Variants in IQGAP3 observed in about 807,000 individuals in gnomAD.
IQGAP3 encodes ras GTPase-activating-like protein IQGAP3.
IQGAP3 carries 165 observed loss-of-function variants against 208.2 expected under a neutral mutation model. The ratio of observed to expected loss-of-function variants is 0.79; its 90% CI spans 0.70 to 0.90. The LOEUF (loss-of-function observed/expected upper bound fraction) is 0.90. IQGAP3 is among the 40% of genes least tolerant of loss of function. The probability of loss-of-function intolerance (pLI) is 0.00; values close to 1 mark genes in which losing one functional copy is unlikely to be tolerated. For synonymous variants in IQGAP3, 703 were observed against 803.6 expected, an observed-to-expected ratio of 0.87 and a Z score of 2.12; for missense variants, 1,811 against 2,043.1, an observed-to-expected ratio of 0.89 and a Z score of 2.19.
intron 4 of IQGAP3, 51 bp downstream of exon 4, chr1:156,565,975 AG>A: frequency 7.6e-7 from 1 of 1,315,464 alleles, no homozygotes; most frequent in Non-Finnish European, 1.1e-6. Flanking sequence ...GGATTGTGGG[AG>A]GTGGCTGGTA....
chr1:156,539,369 C>T lies in IQGAP3; in HGVS notation c.3056+5G>A, dbSNP rs775982665. The stretch of plus-strand genomic sequence containing the variant: ...TCCCCATTCCTTTGTGTCTGGAGAG[C>T]CTACTTGATTTCCTCCTGGAGTGCT... On this transcript the variant is annotated splice_donor_5th_base_variant and intron_variant, in intron 25 of 37. Coordinates refer to ENST00000361170, the MANE Select transcript of IQGAP3 (RefSeq NM_178229.5). The T allele has an allele frequency of 1.2e-6, 2 of 1,613,170 alleles. No individual in the cohort carries two copies. Among genetic ancestry groups the T allele is most frequent in the Admixed American group, 1.7e-5 (1 of 59,980 alleles).
chr1:156,525,942 A>G lies in IQGAP3; in HGVS notation c.*544T>C, dbSNP rs895225396. The G allele has an allele frequency of 1.9e-5, 3 of 156,102 alleles. No homozygotes were observed. Among genetic ancestry groups the G allele is most frequent in the African/African-American group, 7.2e-5 (3 of 41,526 alleles). 9.7% of individuals were successfully genotyped at this position (156,102 alleles called of 1,614,324 possible). On this transcript the variant is annotated 3_prime_UTR_variant, in exon 38 of 38. Coordinates refer to ENST00000361170, the MANE Select transcript of IQGAP3 (RefSeq NM_178229.5). ...AACAGTGCCACAATGCCACATGGGCACTAACACACACTGCATCCCCCCAGT... is the reference window on the plus strand; with the variant it reads ...AACAGTGCCACAATGCCACATGGGCGCTAACACACACTGCATCCCCCCAGT...
intron 9 of IQGAP3, 67 bp from the exon 10 acceptor site, chr1:156,562,068 C>T (rs1676179740): frequency 2.8e-6 from 4 of 1,418,108 alleles, no homozygotes; most frequent in Non-Finnish European, 2.9e-6. Context: ...CTAGTCCAGC[C>T]CTAGGAATCT....
chr1:156,531,555 T>G (rs1674404830), intron 32 of IQGAP3, among the ~76,000 whole-genome samples: 2 of 151,468 alleles, frequency 1.3e-5, no homozygotes, highest in South Asian at 4.2e-4. Flanking sequence ...AGCCCGATCC[T>G]GCTCTCAGCC....
At chr1:156,538,743 TC>T in intron 26 of IQGAP3, 65 bp downstream of exon 26, 1 of 1,400,338 alleles carries the variant, frequency 7.1e-7, no homozygotes, top group Non-Finnish European at 1.0e-6. Flanking sequence ...CCCAGTAGGG[TC>T]CAAGACACAG....
In IQGAP3 at chr1:156,561,583, G is replaced by A. The variant is rs553806479; in HGVS notation, c.1041+255C>T. 2.0e-5 allele frequency among the ~76,000 whole-genome samples: 3 copies of A among 152,346 alleles called. No individual in the cohort carries two copies. The East Asian group carries it at 5.8e-4, about 29-fold the overall frequency. Reference sequence around the variant, plus strand: ...TTAAAAACAAGATTGCTAAGTGGAGGCACCAGTTCAACAATGGGGGAGCAC... The same window carrying A: ...TTAAAAACAAGATTGCTAAGTGGAGACACCAGTTCAACAATGGGGGAGCAC... On this transcript the variant is annotated intron_variant, in intron 10 of 37. Transcript: ENST00000361170.
chr1:156,564,101 A>G (rs1676289961), intron 5 of IQGAP3, among the ~76,000 whole-genome samples: 1 of 152,132 alleles, frequency 6.6e-6, no homozygotes, highest in South Asian at 2.1e-4. Context: ...CAATGGAGAG[A>G]GAGGACAGGA....
At chr1:156,528,203 C>G (rs964951321) in intron 36 of IQGAP3, 143 bp from the exon 37 acceptor site, 23 of 667,198 alleles carry the variant, frequency 3.4e-5, no homozygotes, top group African/African-American at 7.2e-5. Flanking sequence ...GGGCCCAGCT[C>G]GCTGTCTTCT....
At chr1:156,562,098 G>A (rs1676181051) in intron 9 of IQGAP3, 97 bp from the exon 10 acceptor site, 14 of 1,116,768 alleles carry the variant, frequency 1.3e-5, no homozygotes, top group South Asian at 8.1e-5. Context: ...TTGCCTGCCC[G>A]GAATTACCCC....
chr1:156,550,316 C>T lies in IQGAP3; in HGVS notation c.1770G>A (p.Glu590=). ...TGDPGAVLWL[E]EIRQGVVRAN... Reference sequence around the variant, plus strand: ...CTCTGACCACTCCCTGGCGGATCTCCTCAAGCCACAGCACAGCTCCAGGAT... The same window carrying T: ...CTCTGACCACTCCCTGGCGGATCTCTTCAAGCCACAGCACAGCTCCAGGAT... The change falls in exon 16 of 38, where the codon GAG becomes GAA. Residue 590 remains glutamate, a synonymous_variant. Coordinates refer to ENST00000361170, the MANE Select transcript of IQGAP3 (RefSeq NM_178229.5). The T allele has an allele frequency of 1.2e-6, 2 of 1,614,044 alleles. No individual in the cohort carries two copies. The highest frequency in any genetic ancestry group is 1.7e-6 in the Non-Finnish European group (2 of 1,179,936).
chr1:156,563,178 G>A lies in IQGAP3; in HGVS notation c.754C>T (p.Leu252=). 6.2e-7 allele frequency: 1 copy of A among 1,611,606 alleles called. No homozygotes were observed. Among genetic ancestry groups the A allele is most frequent in the Non-Finnish European group, 8.5e-7 (1 of 1,178,028 alleles). ...GCCTTCTCCATCTTGGCCTGGGCCA[G>A]CATCTCTTGGTAGACGGCTGCCAGA... ...EPLAAVYQEM[L]AQAKMEKAAN... is the part of the protein sequence containing the mutation. Residue 252 remains leucine (L), a synonymous_variant, in exon 8 of 38, where the codon CTG becomes TTG. Transcript: ENST00000361170.
intron 16 of IQGAP3, among the ~76,000 whole-genome samples, chr1:156,549,278 T>C (rs537356731): frequency 2.3e-4 from 35 of 152,226 alleles, no homozygotes; most frequent in African/African-American, 7.9e-4. Flanking sequence ...CTGGCCAATA[T>C]GGTGAATTAT....
intron 33 of IQGAP3, 122 bp from the exon 34 acceptor site, chr1:156,530,439 G>C: frequency 1.3e-6 from 1 of 774,484 alleles, no homozygotes; most frequent in South Asian, 1.7e-5. Flanking sequence ...ATATCATTAA[G>C]AAAGTGCCCC....
intron 9 of IQGAP3, among the ~76,000 whole-genome samples, chr1:156,562,240 T>C (rs569997300): frequency 6.6e-6 from 1 of 151,612 alleles, no homozygotes; most frequent in East Asian, 2.0e-4. Context: ...TGCCCACCCA[T>C]CCTGAGCCTT....
In IQGAP3 at chr1:156,529,792, G is replaced by A. The variant is rs536507964; in HGVS notation, c.4404+313C>T. Reference sequence around the variant, plus strand: ...AAAAATTAGCCGGGCATGGCAGCGCGCACCTGTAATCCCAGCTACTTGGGA... The same window carrying A: ...AAAAATTAGCCGGGCATGGCAGCGCACACCTGTAATCCCAGCTACTTGGGA... On this transcript the variant is annotated intron_variant, in intron 34 of 37. Transcript: ENST00000361170. Among the ~76,000 whole-genome samples, 17 of 151,474 alleles carry A rather than the reference G, an allele frequency of 1.1e-4. No individual in the cohort carries two copies. The South Asian group carries it at 1.3e-3, about 11-fold the overall frequency.
chr1:156,530,340 G>A (rs1674332378), intron 33 of IQGAP3, 23 bp from the exon 34 acceptor site: 1 of 1,591,762 alleles, frequency 6.3e-7, no homozygotes, highest in Non-Finnish European at 8.5e-7. Flanking sequence ...AGACGCTGGA[G>A]GGGTCTACCA....
At position 156,528,538 on chromosome 1, in the gene IQGAP3, C is replaced by T; in HGVS notation, c.4644G>A (p.Leu1548=). 1.9e-6 allele frequency: 3 copies of T among 1,614,050 alleles called. No individual in the cohort carries two copies. Among genetic ancestry groups the T allele is most frequent in the Non-Finnish European group, 2.5e-6 (3 of 1,179,940 alleles). The part of the protein sequence containing the change: ...TAAQLLEKGV[L]VEIEDLPASH... ...AGGCGGGAAGATCTTCAATTTCCAC[C>T]AAGACACCCTTTTCCAGGAGCTGAG... is the stretch of plus-strand genomic sequence containing the variant. The change falls in exon 36 of 38, where the codon TTG becomes TTA. Residue 1548 remains leucine, a synonymous_variant. Coordinates refer to ENST00000361170, the MANE Select transcript of IQGAP3 (RefSeq NM_178229.5).
intron 27 of IQGAP3, 77 bp from the exon 28 acceptor site, chr1:156,535,324 T>C: frequency 9.9e-7 from 1 of 1,015,006 alleles, no homozygotes; most frequent in Non-Finnish European, 1.5e-6. Context: ...CTTGAGTGCC[T>C]GGCTGTCTCT....
intron 22 of IQGAP3, among the ~76,000 whole-genome samples, chr1:156,542,011 G>A (rs1026871338): frequency 6.6e-6 from 1 of 152,126 alleles, no homozygotes; most frequent in Non-Finnish European, 1.5e-5. Flanking sequence ...TGAGGGGCAG[G>A]TCAGTGAAGT....
Sources: gnomAD v4.1 joint callset for allele counts (sites outside exome capture counted in the v4.1 genomes callset) on GRCh38, gnomAD v4.1.1 for gene constraint, MANE v1.5 for transcripts, NCBI Gene and HGNC (gene_info 2026-07-23, HGNC 2026-07-21) for gene names.